NAA15: variants seen among roughly 807,000 people sequenced by gnomAD.
NAA15 encodes the protein N-alpha-acetyltransferase 15, NatA auxiliary subunit.
NAA15 carries 34 observed loss-of-function variants against 114.0 expected under a neutral mutation model. That is an observed-to-expected ratio of 0.30 (90% confidence interval 0.23 to 0.40). The LOEUF (loss-of-function observed/expected upper bound fraction) is 0.40, where lower values mean the gene tolerates loss of function less well. NAA15 is among the 10% of genes least tolerant of loss of function. NAA15 has a pLI of 1.00. For missense variants in NAA15, 658 were observed against 1,004.5 expected, an observed-to-expected ratio of 0.66 and a Z score of 4.66; for synonymous variants, 340 against 338.0, an observed-to-expected ratio of 1.01 and a Z score of -0.06.
At chr4:139,303,915 CTTTTT>C (rs900770876) in intron 1 of NAA15, among the ~76,000 whole-genome samples, 1 of 152,024 alleles carries the variant, frequency 6.6e-6, no homozygotes, top group Non-Finnish European at 1.5e-5. Flanking sequence ...AGTGTTAGCA[CTTTTT>C]TTTGTTTGTT....
rs182233618 is a variant in NAA15 at position 139,358,526 on chromosome 4, T to A, written c.1257+971T>A. On this transcript the variant is annotated intron_variant, in intron 11 of 19. Coordinates refer to ENST00000296543, the MANE Select transcript of NAA15 (RefSeq NM_057175.5). Reference sequence around the variant, plus strand: ...AGCACTTTTGATTTTTTATTTATTTTTTTTATTAATTTTTTTATTTTTAGA... The same window carrying A: ...AGCACTTTTGATTTTTTATTTATTTATTTTATTAATTTTTTTATTTTTAGA... Among the ~76,000 whole-genome samples the A allele has an allele frequency of 1.5e-3, 233 of 152,114 alleles. 7 individuals carry two copies. In the East Asian group the frequency reaches 0.033, roughly 22 times the overall value.
chr4:139,367,850 CAGTT>C (rs749579533), intron 14 of NAA15, among the ~76,000 whole-genome samples: 7 of 152,176 alleles, frequency 4.6e-5, no homozygotes, highest in Non-Finnish European at 8.8e-5. Context: ...AAAATCCCTT[CAGTT>C]AGTTAGTTAG....
At chr4:139,306,762 A>G (rs1477653586) in intron 1 of NAA15, among the ~76,000 whole-genome samples, 1 of 152,108 alleles carries the variant, frequency 6.6e-6, no homozygotes, top group African/African-American at 2.4e-5. Context: ...CTTTGTTAGG[A>G]TCTAGGTTAA....
chr4:139,357,581 TATAAG>T (rs777243278), intron 11 of NAA15, 26 bp downstream of exon 11: 3 of 1,434,378 alleles, frequency 2.1e-6, no homozygotes, highest in Non-Finnish European at 1.9e-6. Context: ...TCTATTTTCT[TATAAG>T]GTAATGAGAC....
At position 139,301,859 on chromosome 4, in the gene NAA15, G is replaced by A; in HGVS notation, c.54+28G>A. 3 of 1,576,184 alleles carry A rather than the reference G, an allele frequency of 1.9e-6. No homozygotes were observed. In the South Asian group the frequency reaches 3.5e-5, roughly 18 times the overall value. ...AAGTGTGAGGCTCCGGGCAAGCGGT[G>A]GGGAGGATTTAGCCGGTAACCGGGC... On this transcript the variant is annotated intron_variant, in intron 1 of 19. Coordinates refer to ENST00000296543, the MANE Select transcript of NAA15 (RefSeq NM_057175.5).
chr4:139,302,026 C>A, intron 1 of NAA15, 195 bp downstream of exon 1: 1 of 496,942 alleles, frequency 2.0e-6, no homozygotes. Flanking sequence ...GGACCACAGG[C>A]TTCTTCATTC....
At chr4:139,355,230 G>A (rs756126426) in intron 10 of NAA15, among the ~76,000 whole-genome samples, 1 of 151,952 alleles carries the variant, frequency 6.6e-6, no homozygotes, top group Non-Finnish European at 1.5e-5. Flanking sequence ...CACATTTCCA[G>A]TTATGTTATA....
At chr4:139,337,765 A>G (rs1167723747) in intron 3 of NAA15, among the ~76,000 whole-genome samples, 1 of 152,222 alleles carries the variant, frequency 6.6e-6, no homozygotes, top group Non-Finnish European at 1.5e-5. Context: ...GACAAAGAAA[A>G]GATAACAGAT....
intron 1 of NAA15, among the ~76,000 whole-genome samples, chr4:139,307,373 A>C (rs536303656): frequency 1.3e-5 from 2 of 152,164 alleles, no homozygotes; most frequent in Admixed American, 6.5e-5. Flanking sequence ...GGCTCAAGCT[A>C]TCCTCCTAGC....
chr4:139,314,742 A>AT (rs1579084588), intron 1 of NAA15, among the ~76,000 whole-genome samples: 1 of 151,794 alleles, frequency 6.6e-6, no homozygotes, highest in East Asian at 1.9e-4. Context: ...CAGTCGCATG[A>AT]TCTTGGCTTA....
At chr4:139,302,008 C>G in intron 1 of NAA15, 177 bp downstream of exon 1, 1 of 594,882 alleles carries the variant, frequency 1.7e-6, no homozygotes. Context: ...CTATGGCCCG[C>G]GCGCCAGGGA....
At position 139,361,781 on chromosome 4, in the gene NAA15, A is replaced by T. The variant is rs1748138823; in HGVS notation, c.1597A>T (p.Ile533Phe). ...FDFHTYCMRK[I>F]TLRSYVDLLK... ...CTTTCATACATACTGTATGAGGAAG[A>T]TTACCCTTAGATCATATGTGGACTT... The change falls in exon 14 of 20, where the codon ATT becomes TTT. Residue 533 changes from isoleucine to phenylalanine, a missense_variant. Coordinates refer to ENST00000296543, the MANE Select transcript of NAA15 (RefSeq NM_057175.5). The T allele has an allele frequency of 6.2e-7, 1 of 1,612,884 alleles. No homozygotes were observed. Among genetic ancestry groups the T allele is most frequent in the Non-Finnish European group, 8.5e-7 (1 of 1,179,270 alleles).
chr4:139,390,492 A>G lies in NAA15; in HGVS notation c.*2408A>G, dbSNP rs1749032244. 1 of 152,688 alleles carries G rather than the reference A, an allele frequency of 6.5e-6. No homozygotes were observed. Among genetic ancestry groups the G allele is most frequent in the South Asian group, 2.1e-4 (1 of 4,830 alleles). 9.5% of individuals were successfully genotyped at this position (152,688 alleles called of 1,614,324 possible). ...GGGGGAAAAACAGGGTTAGAAAAAC[A>G]AGTGGAAAAAATGGAGTGATGTTGT... On this transcript the variant is annotated 3_prime_UTR_variant, in exon 20 of 20. Coordinates refer to ENST00000296543, the MANE Select transcript of NAA15 (RefSeq NM_057175.5).
At chr4:139,330,672 G>A (rs946724732) in intron 1 of NAA15, among the ~76,000 whole-genome samples, 5 of 152,074 alleles carry the variant, frequency 3.3e-5, no homozygotes, top group Non-Finnish European at 7.4e-5. Flanking sequence ...CATTTTGGGC[G>A]AGAAAAATCA....
chr4:139,301,962 C>A, intron 1 of NAA15, 131 bp downstream of exon 1: 2 of 968,948 alleles, frequency 2.1e-6, no homozygotes, highest in East Asian at 2.8e-5. Flanking sequence ...CTCGTCAGGC[C>A]GAATGCATTG....
intron 15 of NAA15, among the ~76,000 whole-genome samples, chr4:139,370,914 A>T (rs1304105420): frequency 6.6e-6 from 1 of 152,184 alleles, no homozygotes; most frequent in Non-Finnish European, 1.5e-5. Flanking sequence ...TTGTCAGTTT[A>T]CATTATTTCT....
intron 19 of NAA15, among the ~76,000 whole-genome samples, chr4:139,386,738 C>T (rs561383024): frequency 2.6e-5 from 4 of 152,096 alleles, no homozygotes; most frequent in African/African-American, 9.6e-5. Flanking sequence ...ATGAGGAACA[C>T]TTGAGCCTGA....
At chr4:139,369,126 A>G (rs910360205) in intron 14 of NAA15, among the ~76,000 whole-genome samples, 7 of 152,332 alleles carry the variant, frequency 4.6e-5, no homozygotes, top group African/African-American at 1.7e-4. Context: ...CTCCTTTACC[A>G]AAGAGCTCAT....
At chr4:139,315,540 A>ACAACAG (rs1227893642) in intron 1 of NAA15, among the ~76,000 whole-genome samples, 2 of 151,556 alleles carry the variant, frequency 1.3e-5, no homozygotes, top group African/African-American at 2.4e-5. Context: ...AACAACAACA[A>ACAACAG]CAACGACTCG....
Sources: gnomAD v4.1 joint callset for allele counts (sites outside exome capture counted in the v4.1 genomes callset) on GRCh38, gnomAD v4.1.1 for gene constraint, MANE v1.5 for transcripts, NCBI Gene and HGNC (gene_info 2026-07-23, HGNC 2026-07-21) for gene names.